Variants in KCTD14 observed in about 807,000 individuals in gnomAD.
KCTD14 encodes the protein BTB/POZ domain-containing protein KCTD14.
In KCTD14, 7 loss-of-function variants were observed where a neutral mutation model predicts 5.9. That is an observed-to-expected ratio of 1.19 (90% CI 0.68 to 2.23). The LOEUF (loss-of-function observed/expected upper bound fraction) is 2.23. Ranked by LOEUF, KCTD14 falls within the 30% of genes most tolerant of loss-of-function variation. KCTD14 has a pLI of 0.00. For synonymous variants in KCTD14, 140 were observed against 133.1 expected (o/e 1.05, Z -0.36); for missense variants, 342 against 332.2 (o/e 1.03, Z -0.23).
intron 2 of KCTD14, among the ~76,000 whole-genome samples, chr11:78,035,002 A>C (rs566313829): frequency 3.3e-5 from 5 of 152,336 alleles, no homozygotes; most frequent in Admixed American, 3.3e-4. Context: ...AGAGTTGATG[A>C]GAACCTGATT....
intron 2 of KCTD14, among the ~76,000 whole-genome samples, chr11:78,033,286 T>G (rs942745483): frequency 3.9e-5 from 6 of 152,200 alleles, no homozygotes; most frequent in Admixed American, 3.3e-4. Flanking sequence ...TGTCCATCAT[T>G]TGGGGACTGG....
intron 1 of KCTD14, among the ~76,000 whole-genome samples, chr11:78,017,619 A>G (rs1469627679): frequency 6.6e-6 from 1 of 151,718 alleles, no homozygotes; most frequent in Non-Finnish European, 1.5e-5. Context: ...TAATTTTTGT[A>G]TTTTTAGTAA....
chr11:78,025,112 G>A (rs1451501939), upstream of KCTD14, among the ~76,000 whole-genome samples: 26 of 68,606 alleles, frequency 3.8e-4, no homozygotes, highest in African/African-American at 1.2e-3. Context: ...GTGTGTGTGT[G>A]TGTGTGTATA....
At chr11:78,022,970 A>T in intron 1 of KCTD14, 190 bp downstream of exon 1, 1 of 557,374 alleles carries the variant, frequency 1.8e-6, no homozygotes, top group Non-Finnish European at 3.2e-6. Flanking sequence ...GCGAAAGGAG[A>T]GTGATCCCAG....
Position 78,017,229 on chromosome 11 carries a change from GT to G in KCTD14, c.131del (p.His44ProfsTer8), listed in dbSNP as rs769837104. The G allele has an allele frequency of 1.9e-5, 30 of 1,609,528 alleles. No homozygotes were observed. The highest frequency in any genetic ancestry group is 2.6e-5 in the Non-Finnish European group (30 of 1,176,320). ...VVELNVGGEF[H>X]TTTLGTLRKF... The stretch of plus-strand genomic sequence containing the variant: ...TCCTCAGGGTACCCAGGGTGGTGGT[GT>G]GGAACTCACCCCCGACGTTCAGCTC... On this transcript the variant is annotated frameshift_variant, in exon 2 of 2. Coordinates refer to ENST00000353172, the MANE Select transcript of KCTD14 (RefSeq NM_023930.4). LOFTEE classifies it low-confidence loss of function (END_TRUNC).
intron 1 of KCTD14, among the ~76,000 whole-genome samples, chr11:78,040,712 C>T (rs575092371): frequency 4.7e-4 from 72 of 152,040 alleles, no homozygotes; most frequent in Non-Finnish European, 9.1e-4. Flanking sequence ...CTCTTGGCCC[C>T]CAGTCTGCAG....
intron 1 of KCTD14, among the ~76,000 whole-genome samples, chr11:78,039,163 G>C (rs1374218516): frequency 6.6e-6 from 1 of 151,750 alleles, no homozygotes; most frequent in Non-Finnish European, 1.5e-5. Flanking sequence ...GGACAGGGTT[G>C]GTGCCACCCC....
exon 1 of KCTD14, chr11:78,046,068 T>C (rs773748017): frequency 7.7e-5 from 76 of 983,646 alleles, no homozygotes; most frequent in Non-Finnish European, 9.1e-5. Context: ...TACCTGACAG[T>C]AAACCGGGGA....
chr11:78,033,901 G>GTATATATATATATATATATA (rs1555054302), intron 2 of KCTD14, among the ~76,000 whole-genome samples: 3 of 115,564 alleles, frequency 2.6e-5, no homozygotes, highest in African/African-American at 3.5e-5. Context: ...GTGTGTGTGT[G>GTATATATATATATATATATA]TATATATATA....
At chr11:78,034,494 C>G (rs369732798) in intron 2 of KCTD14, among the ~76,000 whole-genome samples, 14 of 152,020 alleles carry the variant, frequency 9.2e-5, no homozygotes, top group African/African-American at 3.4e-4. Flanking sequence ...TCTCCTCTCT[C>G]TGTTTTTCAC....
intron 1 of KCTD14, among the ~76,000 whole-genome samples, chr11:78,040,201 G>A (rs527683248): frequency 1.3e-5 from 2 of 152,302 alleles, no homozygotes; most frequent in African/African-American, 4.8e-5. Flanking sequence ...GGCTGCCCCC[G>A]TTTCCCGTGT....
chr11:78,041,666 C>T (rs550099336), intron 1 of KCTD14, among the ~76,000 whole-genome samples: 3 of 152,366 alleles, frequency 2.0e-5, no homozygotes, highest in Non-Finnish European at 4.4e-5. Context: ...CTCTTCTGGT[C>T]CATGTTTGTT....
At chr11:78,041,064 G>T (rs1857980582) in intron 1 of KCTD14, among the ~76,000 whole-genome samples, 1 of 152,188 alleles carries the variant, frequency 6.6e-6, no homozygotes, top group Non-Finnish European at 1.5e-5. Flanking sequence ...AAGCCAGGTT[G>T]ACCCAGGCAC....
chr11:78,031,689 G>A lies in KCTD14; in HGVS notation c.-1+6975C>T, dbSNP rs545484787. Among the ~76,000 whole-genome samples, 7 of 152,174 alleles carry A rather than the reference G, an allele frequency of 4.6e-5. No individual in the cohort carries two copies. In the East Asian group the frequency reaches 9.7e-4, roughly 21 times the overall value. ...AGGCGTGAGCCACAGCACCCAGCCC[G>A]TAATCCCTTTTTAGAGAGGAGGAAC... On this transcript the variant is annotated intron_variant, in intron 2 of 2. Transcript: ENST00000533144.
chr11:78,032,114 T>A (rs768462786), intron 2 of KCTD14, among the ~76,000 whole-genome samples: 19 of 152,190 alleles, frequency 1.2e-4, no homozygotes, highest in Admixed American at 2.6e-4. Context: ...CTGGGAGGAA[T>A]CTGGGAGGCC....
intron 1 of KCTD14, among the ~76,000 whole-genome samples, chr11:78,044,959 G>A (rs1184246642): frequency 6.6e-6 from 1 of 152,196 alleles, no homozygotes; most frequent in Non-Finnish European, 1.5e-5. Flanking sequence ...GGGCCCGCAT[G>A]TGTAGTATGT....
rs142200573 is a variant in KCTD14, at chr11:78,038,829, G to T, written c.-95-71C>A. 1.5e-4 allele frequency: 228 copies of T among 1,513,286 alleles called. No homozygotes were observed. In the African/African-American group the frequency reaches 2.6e-3, roughly 17 times the overall value. The allele number at this position is 1,513,286 out of a possible 1,614,324, so 93.7% of individuals were successfully genotyped here. ...AGGACGAGGACCAGGAGTTCAGAGG[G>T]CCCAGGCCAGGAGCCTGACTGGAGC... is the stretch of plus-strand genomic sequence containing the variant. On this transcript the variant is annotated intron_variant, in intron 1 of 2. Transcript: ENST00000533144.
Position 78,016,803 on chromosome 11 carries a change from C to A in KCTD14, c.558G>T (p.Leu186=). 1 of 1,614,162 alleles carries A rather than the reference C, an allele frequency of 6.2e-7. No individual in the cohort carries two copies. The highest frequency in any genetic ancestry group is 1.6e-4 in the Middle Eastern group (1 of 6,062). ...ACATCTTCTTATCCTGCAGAAAACA[C>A]AGGACCTCTGAATAATATGCATCCT... The part of the protein sequence containing the change: ...EEQDAYYSEV[L]CFLQDKKMFK... Residue 186 remains leucine (L), a synonymous_variant, in exon 2 of 2, where the codon CTG becomes CTT. Coordinates refer to ENST00000353172, the MANE Select transcript of KCTD14 (RefSeq NM_023930.4).
intron 2 of KCTD14, among the ~76,000 whole-genome samples, chr11:78,034,180 C>T (rs1426560094): frequency 1.6e-4 from 24 of 151,872 alleles, no homozygotes; most frequent in Non-Finnish European, 8.8e-5. Flanking sequence ...AGTTCAGGGG[C>T]GCCACAATCA....
Sources: gnomAD v4.1 joint callset for allele counts (sites outside exome capture counted in the v4.1 genomes callset) on GRCh38, gnomAD v4.1.1 for gene constraint, MANE v1.5 for transcripts, NCBI Gene and HGNC (gene_info 2026-07-23, HGNC 2026-07-21) for gene names.